NEDD4L: variants seen among roughly 807,000 people sequenced by gnomAD.
The protein encoded by NEDD4L is NEDD4 like E3 ubiquitin protein ligase.
Under a neutral mutation model 148.9 loss-of-function variants are expected in NEDD4L, and 54 were observed. The observed-to-expected ratio is 0.36, with a 90% CI of 0.29 to 0.45. NEDD4L has a LOEUF of 0.45. NEDD4L is among the 20% of genes least tolerant of loss of function. The pLI, the probability that NEDD4L is intolerant of heterozygous loss-of-function variation, is 1.00. For missense variants in NEDD4L, 856 were observed against 1,233.8 expected (o/e 0.69, Z 4.59); for synonymous variants, 433 against 440.7 (o/e 0.98, Z 0.22).
intron 3 of NEDD4L, among the ~76,000 whole-genome samples, chr18:58,247,985 G>A (rs114665811): frequency 9.2e-5 from 14 of 152,318 alleles, no homozygotes; most frequent in African/African-American, 3.1e-4. Flanking sequence ...CTATTTTTAT[G>A]TTGCACTCTG....
chr18:58,252,413 G>A (rs1422893349), intron 5 of NEDD4L, among the ~76,000 whole-genome samples: 1 of 152,174 alleles, frequency 6.6e-6, no homozygotes, highest in Non-Finnish European at 1.5e-5. Flanking sequence ...GTTTTTAAAT[G>A]AAAGCCAGAC....
At chr18:58,343,649 G>A (rs955889411) in intron 16 of NEDD4L, among the ~76,000 whole-genome samples, 1 of 152,018 alleles carries the variant, frequency 6.6e-6, no homozygotes, top group Non-Finnish European at 1.5e-5. Flanking sequence ...GCTCCTTTTT[G>A]TGATCATTTT....
chr18:58,343,216 T>G, intron 16 of NEDD4L, 113 bp downstream of exon 16: 1 of 948,996 alleles, frequency 1.1e-6, no homozygotes, highest in Non-Finnish European at 1.5e-6. Flanking sequence ...CTGTAAAGGG[T>G]GTCTCCAGAG....
chr18:58,381,998 G>T (rs372040805), intron 24 of NEDD4L, among the ~76,000 whole-genome samples: 2 of 152,206 alleles, frequency 1.3e-5, no homozygotes, highest in African/African-American at 4.8e-5. Flanking sequence ...GCAGCAAAGG[G>T]ATTAAAATTC....
intron 1 of NEDD4L, among the ~76,000 whole-genome samples, chr18:58,066,928 C>A (rs539689045): frequency 6.6e-6 from 1 of 152,282 alleles, no homozygotes; most frequent in South Asian, 2.1e-4. Flanking sequence ...CCTCCTACAA[C>A]ACTGGGGATT....
At chr18:58,387,617 A>T (rs1390738224) in intron 27 of NEDD4L, 119 bp downstream of exon 27, 23 of 1,133,708 alleles carry the variant, frequency 2.0e-5, no homozygotes, top group Non-Finnish European at 2.6e-5. Flanking sequence ...ACTTTAGATG[A>T]ATTATATTAC....
At chr18:58,178,828 G>T (rs2038479213) in intron 2 of NEDD4L, among the ~76,000 whole-genome samples, 1 of 152,208 alleles carries the variant, frequency 6.6e-6, no homozygotes, top group South Asian at 2.1e-4. Flanking sequence ...AGAACTGATT[G>T]ATCATTGTTT....
intron 5 of NEDD4L, among the ~76,000 whole-genome samples, chr18:58,305,377 GC>G (rs1022851758): frequency 6.6e-6 from 1 of 152,160 alleles, no homozygotes; most frequent in African/African-American, 2.4e-5. Context: ...CTACAACTGA[GC>G]CCCTCCACCA....
chr18:58,248,976 C>A, intron 4 of NEDD4L, 39 bp downstream of exon 4: 2 of 1,004,330 alleles, frequency 2.0e-6, no homozygotes, highest in Non-Finnish European at 3.0e-6. Flanking sequence ...GTTATTGATA[C>A]GTCTAGGTCG....
intron 1 of NEDD4L, among the ~76,000 whole-genome samples, chr18:58,082,102 A>ATATATATATATATATATATATATT: frequency 2.0e-5 from 1 of 48,832 alleles, no homozygotes; most frequent in African/African-American, 1.3e-4. Flanking sequence ...ATATATATAT[A>ATATATATATATATATATATATATT]TTTTTTTTTT....
chr18:58,215,120 C>T (rs554584741), intron 2 of NEDD4L, among the ~76,000 whole-genome samples: 14 of 152,132 alleles, frequency 9.2e-5, no homozygotes, highest in East Asian at 3.9e-4. Flanking sequence ...CCTGGTGTTT[C>T]GTGATATATC....
At chr18:58,331,249 A>G (rs1400675266) in intron 11 of NEDD4L, among the ~76,000 whole-genome samples, 3 of 152,238 alleles carry the variant, frequency 2.0e-5, no homozygotes, top group Non-Finnish European at 4.4e-5. Context: ...CAAAAGGCTC[A>G]TGAAAATAGT....
In NEDD4L at chr18:58,330,769, T is replaced by G. The variant is rs2144697526; in HGVS notation, c.845T>G (p.Ile282Ser). 5.0e-6 allele frequency: 8 copies of G among 1,610,206 alleles called. No homozygotes were observed. Among genetic ancestry groups the G allele is most frequent in the Non-Finnish European group, 6.8e-6 (8 of 1,177,654 alleles). Residue 282 changes from isoleucine (I) to serine (S), a missense_variant, in exon 11 of 31, where the codon ATC (isoleucine) becomes AGC (serine). Transcript: ENST00000400345. Reference protein sequence around the residue: ...PWETISEEVNIAGDSLGLALP... With the variant: ...PWETISEEVNSAGDSLGLALP... Reference sequence around the variant, plus strand: ...GAGACCATTTCAGAGGAAGTGAATATCGCTGGAGACTCTCTCGGTCTGGCT... The same window carrying G: ...GAGACCATTTCAGAGGAAGTGAATAGCGCTGGAGACTCTCTCGGTCTGGCT...
At chr18:58,149,343 G>A in intron 1 of NEDD4L, 1 of 1,356,924 alleles carries the variant, frequency 7.4e-7, no homozygotes, top group Non-Finnish European at 9.5e-7. Flanking sequence ...GCCATTTCCA[G>A]AGAGGAACAA....
intron 2 of NEDD4L, among the ~76,000 whole-genome samples, chr18:58,182,226 C>T (rs1415721241): frequency 6.6e-6 from 1 of 152,084 alleles, no homozygotes; most frequent in Non-Finnish European, 1.5e-5. Flanking sequence ...GTGCTGAAAA[C>T]ACCCACAGAG....
At chr18:58,394,609 G>C (rs1357245580) in intron 30 of NEDD4L, among the ~76,000 whole-genome samples, 1 of 152,232 alleles carries the variant, frequency 6.6e-6, no homozygotes, top group Non-Finnish European at 1.5e-5. Flanking sequence ...ATTAGTACTT[G>C]CTCTTTTAGG....
intron 2 of NEDD4L, among the ~76,000 whole-genome samples, chr18:58,195,902 G>A (rs1256125698): frequency 3.3e-5 from 5 of 152,054 alleles, no homozygotes; most frequent in African/African-American, 1.2e-4. Context: ...GACATTTTTT[G>A]CATGCTTCAA....
At chr18:58,252,266 T>G (rs1468397287) in intron 5 of NEDD4L, among the ~76,000 whole-genome samples, 1 of 152,246 alleles carries the variant, frequency 6.6e-6, no homozygotes, top group Non-Finnish European at 1.5e-5. Context: ...TATGTGTGTG[T>G]ATTTTTATTG....
rs563181330 is a variant in NEDD4L at position 58,311,547 on chromosome 18, T to TCCC, written c.298-4434_298-4432dup. On this transcript the variant is annotated intron_variant, in intron 5 of 30. Coordinates refer to ENST00000400345, the MANE Select transcript of NEDD4L (RefSeq NM_001144967.3). The stretch of plus-strand genomic sequence containing the variant: ...TTTTCTTCTGCACAGTCAGGTGCTC[T>TCCC]CCCTTTGAGCTTCCGTGTGAAGTTC... 3.5e-3 allele frequency among the ~76,000 whole-genome samples: 536 copies of TCCC among 152,314 alleles called. 2 individuals are homozygous for TCCC. The highest frequency in any genetic ancestry group is 5.1e-3 in the Non-Finnish European group (344 of 68,014).
Sources: allele counts gnomAD v4.1 joint callset (sites outside exome capture counted in the v4.1 genomes callset), GRCh38; gene constraint gnomAD v4.1.1; transcripts MANE v1.5; gene names NCBI Gene and HGNC (gene_info 2026-07-23, HGNC 2026-07-21).